The following SMIM36 variants were observed in gnomAD, a reference collection of about 807,000 sequenced individuals.
The protein encoded by SMIM36 is small integral membrane protein 36.
chr17:55,501,945 G>A (rs890199793), intron 1 of SMIM36, among the ~76,000 whole-genome samples: 7 of 148,222 alleles, frequency 4.7e-5, no homozygotes, highest in East Asian at 4.0e-4. Flanking sequence ...CCCTTTCCGA[G>A]TCAAAGAAAG....
At chr17:55,515,084 G>GTTTTTTTTTTTTTTTTTTTTTTTTTT (rs1567874075), upstream of SMIM36, among the ~76,000 whole-genome samples, 16 of 56,104 alleles carry the variant, frequency 2.9e-4, 7 homozygotes, top group Non-Finnish European at 3.6e-4. Context: ...TTCTAGTCTA[G>GTTTTTTTTTTTTTTTTTTTTTTTTTT]TGTTTTTTTT....
At chr17:55,527,313 T>G in the SMIM36 span, 2 of 152,194 alleles carry the variant, frequency 1.3e-5, no homozygotes, top group African/African-American at 4.8e-5. Context: ...TTCTCTGGTT[T>G]CCTCAGAGTC....
At chr17:55,500,687 C>T (rs535015791) in intron 1 of SMIM36, among the ~76,000 whole-genome samples, 1 of 145,716 alleles carries the variant, frequency 6.9e-6, no homozygotes, top group Admixed American at 7.3e-5. Flanking sequence ...ATTCTTCTCT[C>T]TTGGATTCCT....
At chr17:55,470,004 A>G (rs2143256436) in intron 3 of SMIM36, among the ~76,000 whole-genome samples, 1 of 151,864 alleles carries the variant, frequency 6.6e-6, no homozygotes. Context: ...AAAAAAAACC[A>G]CAACTTCAAA....
At chr17:55,510,939 C>T (rs894709976) in exon 1 of SMIM36, 4 of 396,534 alleles carry the variant, frequency 1.0e-5, no homozygotes, top group Admixed American at 4.4e-5. Flanking sequence ...AGACAGAGCT[C>T]TCACTTCCTT....
At chr17:55,460,875 A>T (rs968684298) in intron 4 of SMIM36, among the ~76,000 whole-genome samples, 5 of 152,214 alleles carry the variant, frequency 3.3e-5, no homozygotes, top group African/African-American at 1.2e-4. Context: ...CAAAAACAAA[A>T]AAAACCATAA....
the SMIM36 span, among the ~76,000 whole-genome samples, chr17:55,517,244 A>G: frequency 1.3e-5 from 2 of 152,330 alleles, no homozygotes; most frequent in South Asian, 4.1e-4. Context: ...CTGAAATAGG[A>G]TTGAGATACA....
In SMIM36 at chr17:55,509,180, C is replaced by T. The variant is rs144646354; in HGVS notation, c.*174+1699G>A. Among the ~76,000 whole-genome samples, 33 of 152,306 alleles carry T rather than the reference C, an allele frequency of 2.2e-4. No individual in the cohort carries two copies. The East Asian group carries it at 2.5e-3, about 12-fold the overall frequency. On this transcript the variant is annotated intron_variant, in intron 1 of 4. Transcript: ENST00000636752. ...AAACAGTGCTCATTGTCAAAGCTGG[C>T]AGGGCAGGCTGGCCAGGCCCTCCTC...
the SMIM36 span, among the ~76,000 whole-genome samples, chr17:55,519,783 A>G: frequency 1.3e-5 from 2 of 152,198 alleles, no homozygotes; most frequent in Non-Finnish European, 2.9e-5. Flanking sequence ...TCCTTCACTG[A>G]TGTATGGACA....
intron 4 of SMIM36, among the ~76,000 whole-genome samples, chr17:55,465,230 A>G (rs9675268): frequency 0.2 from 30,749 of 152,140 alleles, 5,065 homozygotes; most frequent in African/African-American, 0.46. Flanking sequence ...GTGTAATAAT[A>G]TCATTTTGGA....
At chr17:55,453,307 G>GTAAATAAATAAATAAATAAA (rs1908958308) in intron 4 of SMIM36, among the ~76,000 whole-genome samples, 1 of 149,644 alleles carries the variant, frequency 6.7e-6, no homozygotes, top group African/African-American at 2.6e-5. Context: ...ACATAAATAA[G>GTAAATAAATAAATAAATAAA]TAAGTAAATA....
chr17:55,500,617 T>A (rs924106350), intron 1 of SMIM36, among the ~76,000 whole-genome samples: 17 of 150,898 alleles, frequency 1.1e-4, no homozygotes, highest in Admixed American at 3.4e-4. Context: ...TTTTAGTTTT[T>A]TCCGAGAGAG....
chr17:55,473,670 A>G (rs920838999), intron 3 of SMIM36, among the ~76,000 whole-genome samples: 3 of 152,182 alleles, frequency 2.0e-5, no homozygotes, highest in Admixed American at 1.3e-4. Flanking sequence ...AGGATTGGAC[A>G]GTACTTTTAC....
Position 55,502,863 on chromosome 17 carries a change from A to G in SMIM36, c.*174+8016T>C, listed in dbSNP as rs900245455. Among the ~76,000 whole-genome samples, 27 of 110,640 alleles carry G rather than the reference A, an allele frequency of 2.4e-4. 1 individual carries two copies. The highest frequency in any genetic ancestry group is 1.1e-3 in the African/African-American group (25 of 22,860). 72.6% of individuals were successfully genotyped at this position (110,640 alleles called of 152,430 possible). A position where few individuals can be genotyped will look rare whatever the true frequency, so the allele number is the denominator to read the frequency against. On this transcript the variant is annotated intron_variant, in intron 1 of 4. Coordinates refer to ENST00000636752, the Ensembl canonical transcript of SMIM36. ...AGAACGTATAACTAGAATAACCAAT[A>G]CAGAGAAGTGCTTAAAGGAGCTGAT...
intron 1 of SMIM36, among the ~76,000 whole-genome samples, chr17:55,483,240 A>G (rs754232825): frequency 9.2e-5 from 14 of 152,194 alleles, no homozygotes; most frequent in Non-Finnish European, 2.1e-4. Context: ...GTTTGGCCTG[A>G]GTGCTCTCTC....
At chr17:55,461,644 T>C (rs1176271845) in intron 4 of SMIM36, among the ~76,000 whole-genome samples, 1 of 152,148 alleles carries the variant, frequency 6.6e-6, no homozygotes, top group African/African-American at 2.4e-5. Flanking sequence ...AAAACATAAG[T>C]AAATTATTTA....
intron 4 of SMIM36, among the ~76,000 whole-genome samples, chr17:55,466,146 G>A (rs1004296674): frequency 3.3e-5 from 5 of 151,626 alleles, no homozygotes; most frequent in African/African-American, 4.8e-5. Context: ...GCATGGTGGC[G>A]GGCACCTGTA....
intron 1 of SMIM36, among the ~76,000 whole-genome samples, chr17:55,493,222 A>C (rs1046377139): frequency 3.3e-5 from 5 of 152,198 alleles, no homozygotes; most frequent in African/African-American, 1.2e-4. Flanking sequence ...GAAACAAAGA[A>C]AGAGGCAGGG....
intron 4 of SMIM36, among the ~76,000 whole-genome samples, chr17:55,456,160 T>C (rs1397183977): frequency 6.8e-6 from 1 of 145,988 alleles, no homozygotes; most frequent in Non-Finnish European, 1.5e-5. Context: ...CATTTGAAAC[T>C]GTTTCAAAGT....
Sources: allele counts gnomAD v4.1 joint callset (sites outside exome capture counted in the v4.1 genomes callset), GRCh38; gene constraint gnomAD v4.1.1; transcripts MANE v1.5; gene names NCBI Gene and HGNC (gene_info 2026-07-23, HGNC 2026-07-21).